Variants in IQSEC2 observed in about 807,000 individuals in gnomAD.
IQSEC2 encodes the protein IQ motif and Sec7 domain ArfGEF 2.
IQSEC2 carries 6 observed loss-of-function variants against 74.6 expected under a neutral mutation model. The observed-to-expected ratio is 0.08, with a 90% CI of 0.04 to 0.16. IQSEC2 has a LOEUF of 0.16. IQSEC2 is among the 10% of genes least tolerant of loss of function. The pLI is 1.00. For missense variants in IQSEC2, 734 were observed against 1,306.2 expected (o/e 0.56, Z 6.75); for synonymous variants, 494 against 544.5 (o/e 0.91, Z 1.29).
At chrX:53,243,123 G>T (rs1434760641) in intron 9 of IQSEC2, among the ~76,000 whole-genome samples, 1 of 112,081 alleles carries the variant, frequency 8.9e-6, no homozygotes, top group Non-Finnish European at 1.9e-5. Context: ...AGGTGAAAAG[G>T]ATGCTAATAT....
intron 1 of IQSEC2, among the ~76,000 whole-genome samples, chrX:53,311,131 A>AAAAAG (rs1238397634): frequency 1.0e-5 from 1 of 95,981 alleles, no homozygotes; most frequent in South Asian, 5.5e-4. Context: ...CAAAAAAAAA[A>AAAAAG]AAAAGAAAAG....
intron 2 of IQSEC2, among the ~76,000 whole-genome samples, chrX:53,269,099 C>T (rs2074701953): frequency 8.9e-6 from 1 of 111,990 alleles, no homozygotes; most frequent in South Asian, 3.7e-4. Flanking sequence ...GGCCTTTTCA[C>T]ATCTCTATGT....
At chrX:53,227,671 A>G, downstream of IQSEC2, 1 of 285,989 alleles carries the variant, frequency 3.5e-6, no homozygotes, top group Non-Finnish European at 6.3e-6. Context: ...GCCTGGCCAG[A>G]GAAGGGTGAG....
chrX:53,236,715 A>C (rs1289913124), intron 12 of IQSEC2, among the ~76,000 whole-genome samples: 1 of 109,427 alleles, frequency 9.1e-6, no homozygotes, highest in Non-Finnish European at 1.9e-5. Context: ...CCTGTCTTGC[A>C]CCCTCCCTTC....
intron 1 of IQSEC2, among the ~76,000 whole-genome samples, chrX:53,293,038 G>A (rs141308945): frequency 2.1e-3 from 238 of 112,352 alleles, no homozygotes; most frequent in Non-Finnish European, 3.5e-3. Context: ...GAGCCAAGAC[G>A]TGGCTTTAGT....
chrX:53,274,338 A>T (rs1556869086), intron 2 of IQSEC2, among the ~76,000 whole-genome samples: 1 of 110,981 alleles, frequency 9.0e-6, no homozygotes, highest in African/African-American at 3.3e-5. Flanking sequence ...CTAGCCCCAT[A>T]AAAAATGTTA....
intron 2 of IQSEC2, among the ~76,000 whole-genome samples, chrX:53,271,549 T>C (rs1304101653): frequency 5.4e-5 from 6 of 111,801 alleles, no homozygotes; most frequent in East Asian, 2.8e-4. Context: ...GACACTTCTA[T>C]TGAGTCTATC....
chrX:53,281,592 T>C lies in IQSEC2; in HGVS notation c.737+10303A>G, dbSNP rs962106639. ...TCTCCACCGTGTCACCACCCCCTCC[T>C]CCCCAGCCCTTCCCTAGAAGGAGGA... On this transcript the variant is annotated intron_variant, in intron 2 of 14. Transcript: ENST00000642864. 45 of 1,087,028 alleles carry C rather than the reference T, an allele frequency of 4.1e-5. No individual in the cohort carries two copies. In the Admixed American group the frequency reaches 5.9e-4, roughly 14 times the overall value. 89.6% of individuals were successfully genotyped at this position (1,087,028 alleles called of 1,213,427 possible). A position where few individuals can be genotyped will look rare whatever the true frequency, so the allele number is the denominator to read the frequency against.
chrX:53,317,105 G>A (rs2075384789), intron 1 of IQSEC2, among the ~76,000 whole-genome samples: 1 of 111,730 alleles, frequency 9.0e-6, no homozygotes, highest in South Asian at 3.7e-4. Flanking sequence ...ACTGCAAGGG[G>A]GCCAAGCCAA....
At chrX:53,309,184 G>A (rs1293870930) in intron 1 of IQSEC2, among the ~76,000 whole-genome samples, 8 of 110,504 alleles carry the variant, frequency 7.2e-5, no homozygotes, top group African/African-American at 2.6e-4. Flanking sequence ...TTTTGTCATG[G>A]TAGGAAAAAG....
chrX:53,296,759 A>G (rs1602356002), intron 1 of IQSEC2, among the ~76,000 whole-genome samples: 2 of 110,158 alleles, frequency 1.8e-5, no homozygotes. Flanking sequence ...ACAGGGCTTC[A>G]CCATGTTGGC....
chrX:53,266,625 C>T (rs2074661394), intron 2 of IQSEC2: 2 of 825,541 alleles, frequency 2.4e-6, no homozygotes, highest in Admixed American at 1.3e-4. Context: ...GGAGACCTCT[C>T]CAGTAGTGGC....
At chrX:53,307,808 CAGG>C (rs2075280220) in intron 1 of IQSEC2, among the ~76,000 whole-genome samples, 1 of 103,276 alleles carries the variant, frequency 9.7e-6, no homozygotes, top group Admixed American at 1.1e-4. Context: ...GAGGCTGAGG[CAGG>C]AGAATCACTT....
At chrX:53,257,341 G>A (rs1356021319) in intron 2 of IQSEC2, among the ~76,000 whole-genome samples, 1 of 112,864 alleles carries the variant, frequency 8.9e-6, no homozygotes, top group Non-Finnish European at 1.9e-5. Context: ...TGGATGTGGT[G>A]TGAAGGCTGC....
rs1556880391 is a variant in IQSEC2 at position 53,321,158 on chromosome X, A to G, written c.-35T>C. 1.1e-6 allele frequency: 1 copy of G among 911,846 alleles called. No homozygotes were observed. Among genetic ancestry groups the G allele is most frequent in the South Asian group, 2.1e-5 (1 of 46,761 alleles). The allele number at this position is 911,846 out of a possible 1,213,427, so 75.1% of individuals were successfully genotyped here. The stretch of plus-strand genomic sequence containing the variant: ...CCAGGGGCAGGGGAACGGGCAGGAG[A>G]GCCCTGTCCCCGCTCTCTCACGGCG... On this transcript the variant is annotated 5_prime_UTR_variant, in exon 1 of 15. Coordinates refer to ENST00000642864, the MANE Select transcript of IQSEC2 (RefSeq NM_001111125.3).
At chrX:53,259,188 C>CAA (rs56394985) in intron 2 of IQSEC2, among the ~76,000 whole-genome samples, 32 of 31,673 alleles carry the variant, frequency 1.0e-3, no homozygotes, top group Non-Finnish European at 1.4e-3. Context: ...AGACTGTCTC[C>CAA]AAAAAAAAAA....
chrX:53,242,693 T>C (rs1187014155), intron 9 of IQSEC2, among the ~76,000 whole-genome samples: 2 of 111,663 alleles, frequency 1.8e-5, no homozygotes, highest in Non-Finnish European at 3.8e-5. Context: ...CTGGGCTCAG[T>C]GGAAAGGCAT....
chrX:53,244,840 A>C (rs2074278274), intron 8 of IQSEC2, among the ~76,000 whole-genome samples: 1 of 111,408 alleles, frequency 9.0e-6, no homozygotes. Context: ...GATAAAAAGA[A>C]ATTTTCTAAT....
rs2074087088 is a variant in IQSEC2 at position 53,234,053 on chromosome X, C to T, written c.*166G>A. The stretch of plus-strand genomic sequence containing the variant: ...AATCTGGAAGGAAACCCCATGGCAA[C>T]TGCTGGGGGTGAGAGGACGGGTCCC... On this transcript the variant is annotated 3_prime_UTR_variant, in exon 15 of 15. Coordinates refer to ENST00000642864, the MANE Select transcript of IQSEC2 (RefSeq NM_001111125.3). 1 of 307,778 alleles carries T rather than the reference C, an allele frequency of 3.2e-6. No individual in the cohort carries two copies. Among genetic ancestry groups the T allele is most frequent in the African/African-American group, 2.8e-5 (1 of 35,727 alleles). 25.4% of individuals were successfully genotyped at this position (307,778 alleles called of 1,213,427 possible).
Sources: gnomAD v4.1 joint callset for allele counts (sites outside exome capture counted in the v4.1 genomes callset) on GRCh38, gnomAD v4.1.1 for gene constraint, MANE v1.5 for transcripts, NCBI Gene and HGNC (gene_info 2026-07-23, HGNC 2026-07-21) for gene names.